KAT6A: variants seen among roughly 807,000 people sequenced by gnomAD.
KAT6A encodes the protein histone acetyltransferase KAT6A.
KAT6A carries 9 observed loss-of-function variants against 198.4 expected under a neutral mutation model. The observed-to-expected ratio is 0.05, with a 90% CI of 0.03 to 0.08. The LOEUF is 0.08. Ranked by LOEUF, KAT6A falls within the 10% of genes least tolerant of loss-of-function variation. The pLI is 1.00. For synonymous variants in KAT6A, 890 were observed against 883.0 expected, an observed-to-expected ratio of 1.01 and a Z score of -0.14; for missense variants, 2,077 against 2,509.9, an observed-to-expected ratio of 0.83 and a Z score of 3.69.
chr8:41,991,095 T>C (rs1824922515), intron 2 of KAT6A, among the ~76,000 whole-genome samples: 1 of 151,646 alleles, frequency 6.6e-6, no homozygotes, highest in Non-Finnish European at 1.5e-5. Flanking sequence ...GTTGACGTTA[T>C]CTACTAAAAT....
At chr8:41,972,985 G>T (rs1823874334) in intron 8 of KAT6A, among the ~76,000 whole-genome samples, 1 of 152,228 alleles carries the variant, frequency 6.6e-6, no homozygotes, top group Non-Finnish European at 1.5e-5. Flanking sequence ...AGGGCAACCT[G>T]CCCAAAGGAG....
At chr8:41,939,050 A>G (rs1398434361) in intron 15 of KAT6A, among the ~76,000 whole-genome samples, 1 of 152,202 alleles carries the variant, frequency 6.6e-6, no homozygotes, top group Admixed American at 6.5e-5. Flanking sequence ...CTGAGCAACA[A>G]ATTTTAAAAA....
intron 2 of KAT6A, among the ~76,000 whole-genome samples, chr8:42,029,075 T>C (rs1301225179): frequency 1.3e-5 from 2 of 152,208 alleles, no homozygotes; most frequent in African/African-American, 2.4e-5. Context: ...AGGTGTAGTA[T>C]TCTTGGCCAG....
At chr8:41,986,039 C>G (rs189602450) in intron 3 of KAT6A, among the ~76,000 whole-genome samples, 1 of 152,264 alleles carries the variant, frequency 6.6e-6, no homozygotes, top group East Asian at 1.9e-4. Flanking sequence ...CTCCTGGATT[C>G]AAGCAATTAT....
intron 2 of KAT6A, among the ~76,000 whole-genome samples, chr8:42,047,962 T>TGCC (rs1802397567): frequency 6.6e-6 from 1 of 151,960 alleles, no homozygotes; most frequent in Non-Finnish European, 1.5e-5. Flanking sequence ...AGTCATCTGC[T>TGCC]TGTTTCAAAT....
At chr8:42,026,622 C>T in intron 2 of KAT6A, among the ~76,000 whole-genome samples, 1 of 152,124 alleles carries the variant, frequency 6.6e-6, no homozygotes, top group African/African-American at 2.4e-5. Flanking sequence ...TTGTATCCTG[C>T]AACTTTATTG....
intron 9 of KAT6A, among the ~76,000 whole-genome samples, chr8:41,950,839 C>G (rs1822632277): frequency 6.6e-6 from 1 of 151,882 alleles, no homozygotes; most frequent in South Asian, 2.1e-4. Context: ...TATTTCAAAA[C>G]ATCATGTTGT....
At chr8:42,051,355 C>T (rs1316217604) in intron 1 of KAT6A, among the ~76,000 whole-genome samples, 6 of 151,922 alleles carry the variant, frequency 3.9e-5, no homozygotes, top group African/African-American at 1.4e-4. Context: ...GCCGCCTCAG[C>T]CCCGCTCGGA....
intron 2 of KAT6A, among the ~76,000 whole-genome samples, chr8:42,037,919 T>A (rs947201673): frequency 6.6e-6 from 1 of 152,212 alleles, no homozygotes; most frequent in Non-Finnish European, 1.5e-5. Flanking sequence ...AAAAATGATG[T>A]GCTGTCTGCG....
At chr8:41,982,203 T>C (rs2150890096) in intron 3 of KAT6A, among the ~76,000 whole-genome samples, 1 of 152,046 alleles carries the variant, frequency 6.6e-6, no homozygotes, top group African/African-American at 2.4e-5. Context: ...CTTGACAAAC[T>C]CCAAACTTTT....
At position 41,933,339 on chromosome 8, in the gene KAT6A, A is replaced by G; in HGVS notation, c.4881T>C (p.Ala1627=). Residue 1627 remains alanine (A), a synonymous_variant, in exon 17 of 17, where the codon GCT becomes GCC. Transcript: ENST00000265713. The surrounding 1 kb of genome is among the most constrained non-coding windows in gnomAD (Gnocchi z 6.2). Reference sequence around the variant, plus strand: ...GAGGTGACTTGATGCTGCAGTTGGCAGCAGGCTGGACGCTGCTCTGCTGCA... The same window carrying G: ...GAGGTGACTTGATGCTGCAGTTGGCGGCAGGCTGGACGCTGCTCTGCTGCA... ...SMMQQSSVQP[A]ANCSIKSPQS... 1 of 1,577,244 alleles carries G rather than the reference A, an allele frequency of 6.3e-7. No individual in the cohort carries two copies.
chr8:41,951,124 T>C (rs1355724900), intron 9 of KAT6A, among the ~76,000 whole-genome samples: 3 of 151,854 alleles, frequency 2.0e-5, no homozygotes, highest in Admixed American at 2.0e-4. Context: ...GAAGAGTTCA[T>C]GCCACTTCCT....
At chr8:42,002,406 C>A (rs1825540943) in intron 2 of KAT6A, among the ~76,000 whole-genome samples, 1 of 152,064 alleles carries the variant, frequency 6.6e-6, no homozygotes, top group African/African-American at 2.4e-5. Context: ...TCTAAAAATA[C>A]AAAAATTAGC....
chr8:42,050,055 G>C (rs1323477298), intron 1 of KAT6A, among the ~76,000 whole-genome samples: 2 of 140,396 alleles, frequency 1.4e-5, no homozygotes, highest in East Asian at 4.5e-4. Context: ...GTCAAACTGC[G>C]TGTAAGTAAT....
At chr8:42,026,609 A>G (rs1335715972) in intron 2 of KAT6A, among the ~76,000 whole-genome samples, 1 of 152,000 alleles carries the variant, frequency 6.6e-6, no homozygotes, top group East Asian at 1.9e-4. Context: ...TTGTATGTTG[A>G]TTTTGTATCC....
chr8:41,929,771 G>A lies in KAT6A; in HGVS notation c.*2434C>T. Reference sequence around the variant, plus strand: ...CATGCGGCTTTTAGAGGCATCTGGAGCTCTATTCACACACGCTAGAGATCT... The same window carrying A: ...CATGCGGCTTTTAGAGGCATCTGGAACTCTATTCACACACGCTAGAGATCT... On this transcript the variant is annotated 3_prime_UTR_variant, in exon 17 of 17. Transcript: ENST00000265713. 1 of 193,564 alleles carries A rather than the reference G, an allele frequency of 5.2e-6. No individual in the cohort carries two copies. Among genetic ancestry groups the A allele is most frequent in the East Asian group, 8.2e-5 (1 of 12,268 alleles). 12.0% of individuals were successfully genotyped at this position (193,564 alleles called of 1,614,324 possible).
chr8:41,967,475 T>A (rs903758272), intron 8 of KAT6A, among the ~76,000 whole-genome samples: 1 of 114,070 alleles, frequency 8.8e-6, no homozygotes, highest in African/African-American at 3.4e-5. Context: ...GTCCTCAGAG[T>A]GTGATGTTCC....
At position 41,955,428 on chromosome 8, in the gene KAT6A, T is replaced by C; in HGVS notation, c.1483-17A>G. 6.6e-7 allele frequency: 1 copy of C among 1,512,298 alleles called. No individual in the cohort carries two copies. Among genetic ancestry groups the C allele is most frequent in the Non-Finnish European group, 9.2e-7 (1 of 1,091,758 alleles). 93.7% of individuals were successfully genotyped at this position (1,512,298 alleles called of 1,614,324 possible). ...TCCAACTTTCTGTGCAGTCAAGAAA[T>C]ACATTCAAAAGTTAGCTAAATTAGA... On this transcript the variant is annotated splice_polypyrimidine_tract_variant and intron_variant, in intron 8 of 16. Transcript: ENST00000265713.
chr8:42,035,877 T>G (rs1050553072), intron 2 of KAT6A, among the ~76,000 whole-genome samples: 3 of 152,162 alleles, frequency 2.0e-5, no homozygotes, highest in African/African-American at 7.2e-5. Flanking sequence ...CGGGAGAGTC[T>G]TCTGCCTGCT....
Sources: allele counts gnomAD v4.1 joint callset (sites outside exome capture counted in the v4.1 genomes callset), GRCh38; gene constraint gnomAD v4.1.1; non-coding constraint Gnocchi (gnomAD v3.1); transcripts MANE v1.5; gene names NCBI Gene and HGNC (gene_info 2026-07-23, HGNC 2026-07-21).